MARK2: variants seen among roughly 807,000 people sequenced by gnomAD.
The protein encoded by MARK2 is serine/threonine-protein kinase MARK2.
MARK2 carries 16 observed loss-of-function variants against 89.8 expected under a neutral mutation model. That is an observed-to-expected ratio of 0.18 (90% CI 0.12 to 0.27). MARK2 has a LOEUF of 0.27. MARK2 is among the 10% of genes least tolerant of loss of function. The pLI, the probability that MARK2 is intolerant of heterozygous loss-of-function variation, is 1.00. For missense variants in MARK2, 621 were observed against 1,049.9 expected (o/e 0.59, Z 5.65); for synonymous variants, 382 against 399.5 (o/e 0.96, Z 0.52).
intron 1 of MARK2, among the ~76,000 whole-genome samples, chr11:63,863,314 GTC>G (rs1323825002): frequency 4.6e-5 from 7 of 152,060 alleles, no homozygotes; most frequent in African/African-American, 1.2e-4. Flanking sequence ...GTTGCTTTAT[GTC>G]TCTCTACAGA....
At chr11:63,846,580 T>A (rs531864351) in intron 1 of MARK2, among the ~76,000 whole-genome samples, 1 of 151,916 alleles carries the variant, frequency 6.6e-6, no homozygotes, top group South Asian at 2.1e-4. Context: ...GGCCTTGAAC[T>A]CATGACCTCG....
intron 1 of MARK2, among the ~76,000 whole-genome samples, chr11:63,851,765 A>G (rs2016583666): frequency 1.3e-5 from 2 of 151,948 alleles, no homozygotes; most frequent in South Asian, 4.1e-4. Context: ...TGCTTTAGAA[A>G]ACTTTTTTTT....
rs1024304236 is a variant in MARK2, at chr11:63,888,748, A to G, written c.55-6411A>G. 4.1e-6 allele frequency: 5 copies of G among 1,208,546 alleles called. No homozygotes were observed. In the African/African-American group the frequency reaches 7.9e-5, roughly 19 times the overall value. 74.9% of individuals were successfully genotyped at this position (1,208,546 alleles called of 1,614,324 possible). On this transcript the variant is annotated intron_variant, in intron 1 of 18. Transcript: ENST00000402010. The stretch of plus-strand genomic sequence containing the variant: ...GACACCGTCCAGGTTCCCAGGCAGG[A>G]ACCGCTCGGCCTGGCTGCTTAGCTA...
At chr11:63,858,409 G>C (rs1937586662) in intron 1 of MARK2, among the ~76,000 whole-genome samples, 1 of 151,718 alleles carries the variant, frequency 6.6e-6, no homozygotes, top group African/African-American at 2.4e-5. Context: ...ACCCAGGCTG[G>C]AGTGCAATGG....
intron 1 of MARK2, among the ~76,000 whole-genome samples, chr11:63,865,517 G>T (rs774157197): frequency 2.0e-5 from 3 of 152,194 alleles, no homozygotes; most frequent in Non-Finnish European, 2.9e-5. Context: ...CTCAACAGAG[G>T]TAGCTGCTAT....
At chr11:63,873,617 G>A (rs1164393500) in intron 1 of MARK2, among the ~76,000 whole-genome samples, 1 of 152,148 alleles carries the variant, frequency 6.6e-6, no homozygotes, top group Non-Finnish European at 1.5e-5. Context: ...GTAGCAGCCC[G>A]ACCCTGCTGA....
At chr11:63,906,174 C>T in intron 17 of MARK2, 60 bp downstream of exon 17, 2 of 1,252,288 alleles carry the variant, frequency 1.6e-6, no homozygotes, top group Non-Finnish European at 2.0e-6. Flanking sequence ...CTGTGTCCTG[C>T]CTCCATCACT....
At chr11:63,846,518 G>A (rs11231605) in intron 1 of MARK2, among the ~76,000 whole-genome samples, 11,006 of 151,598 alleles carry the variant, frequency 0.073, 500 homozygotes, top group South Asian at 0.22. Flanking sequence ...ACTGTACCCC[G>A]CTAATTTTTG....
At chr11:63,893,453 T>A (rs1940089051) in intron 1 of MARK2, among the ~76,000 whole-genome samples, 4 of 127,272 alleles carry the variant, frequency 3.1e-5, no homozygotes, top group African/African-American at 9.1e-5. Context: ...TTCATCCAGC[T>A]GATGGGCATT....
intron 1 of MARK2, among the ~76,000 whole-genome samples, chr11:63,844,727 G>C (rs2135193674): frequency 6.6e-6 from 1 of 152,318 alleles, no homozygotes; most frequent in East Asian, 1.9e-4. Flanking sequence ...GAGGTTTGCA[G>C]GGTTCGAGCT....
chr11:63,905,110 TG>T (rs1226920629), intron 16 of MARK2, 67 bp downstream of exon 16: 6 of 448,212 alleles, frequency 1.3e-5, no homozygotes, highest in Non-Finnish European at 1.7e-5. Context: ...CGGGGTGGGT[TG>T]GGGGTTGGGG....
intron 1 of MARK2, among the ~76,000 whole-genome samples, chr11:63,881,984 A>C (rs901825181): frequency 6.6e-6 from 1 of 152,076 alleles, no homozygotes; most frequent in Non-Finnish European, 1.5e-5. Context: ...AAGAGTACAG[A>C]TAGAGCGCTG....
intron 2 of MARK2, 83 bp downstream of exon 2, chr11:63,895,421 C>A: frequency 6.7e-7 from 1 of 1,493,482 alleles, no homozygotes; most frequent in South Asian, 1.2e-5. Context: ...ACTACTGCAG[C>A]CAACCTCTTG....
At chr11:63,850,572 A>G (rs903671789) in intron 1 of MARK2, among the ~76,000 whole-genome samples, 1 of 151,770 alleles carries the variant, frequency 6.6e-6, no homozygotes, top group Admixed American at 6.6e-5. Flanking sequence ...TAAGGCATCA[A>G]TATTAGATAG....
intron 1 of MARK2, among the ~76,000 whole-genome samples, chr11:63,859,557 G>T (rs1224090861): frequency 1.3e-5 from 2 of 151,866 alleles, no homozygotes; most frequent in Non-Finnish European, 2.9e-5. Context: ...CTGACCTCGT[G>T]ATCCACCCAC....
chr11:63,864,089 G>C (rs1262147166), intron 1 of MARK2, among the ~76,000 whole-genome samples: 1 of 151,956 alleles, frequency 6.6e-6, no homozygotes, highest in Non-Finnish European at 1.5e-5. Flanking sequence ...AAGTAGCTGG[G>C]ACTACAGGCG....
In MARK2 at chr11:63,849,426, G is replaced by A. The variant is rs146741025; in HGVS notation, c.54+9866G>A. Among the ~76,000 whole-genome samples, 57 of 152,248 alleles carry A rather than the reference G, an allele frequency of 3.7e-4. No homozygotes were observed. In the East Asian group the frequency reaches 5.0e-3, roughly 13 times the overall value. ...AGTCCAAACTTTTTGAACACTTTTT[G>A]ACTTCCAATAAGTGGTTCCACTATG... On this transcript the variant is annotated intron_variant, in intron 1 of 18. Transcript: ENST00000402010.
intron 1 of MARK2, among the ~76,000 whole-genome samples, chr11:63,890,723 G>A (rs1288644217): frequency 6.6e-6 from 1 of 152,240 alleles, no homozygotes; most frequent in Non-Finnish European, 1.5e-5. Context: ...TTGACAGTGA[G>A]ACTTCTGGAT....
chr11:63,889,169 C>T (rs1020950995), intron 1 of MARK2, among the ~76,000 whole-genome samples: 1 of 152,092 alleles, frequency 6.6e-6, no homozygotes, highest in Non-Finnish European at 1.5e-5. Flanking sequence ...CCCCTGAGAA[C>T]AAGCAGCTTG....
Sources: allele counts gnomAD v4.1 joint callset (sites outside exome capture counted in the v4.1 genomes callset), GRCh38; gene constraint gnomAD v4.1.1; transcripts MANE v1.5; gene names NCBI Gene and HGNC (gene_info 2026-07-23, HGNC 2026-07-21).